The following CD47 variants were observed in gnomAD, a reference collection of about 807,000 sequenced individuals.
CD47 encodes leukocyte surface antigen CD47.
Under a neutral mutation model 44.6 loss-of-function variants are expected in CD47, and 11 were observed. The ratio of observed to expected loss-of-function variants is 0.25; its 90% CI spans 0.16 to 0.41. The LOEUF (loss-of-function observed/expected upper bound fraction) is 0.41, where lower values mean the gene tolerates loss of function less well. CD47 is among the 10% of genes least tolerant of loss of function. The probability of loss-of-function intolerance (pLI) is 1.00; values close to 1 mark genes in which losing one functional copy is unlikely to be tolerated. For synonymous variants in CD47, 140 were observed against 136.3 expected, an observed-to-expected ratio of 1.03 and a Z score of -0.19; for missense variants, 306 against 386.7, an observed-to-expected ratio of 0.79 and a Z score of 1.75.
At chr3:108,059,970 G>C (rs953184548) in intron 4 of CD47, among the ~76,000 whole-genome samples, 1 of 152,082 alleles carries the variant, frequency 6.6e-6, no homozygotes, top group Admixed American at 6.6e-5. Context: ...TATTACACCT[G>C]CACTGCATTC....
chr3:108,051,087 C>A (rs78109567), intron 8 of CD47, among the ~76,000 whole-genome samples: 5,833 of 152,254 alleles, frequency 0.038, 132 homozygotes, highest in African/African-American at 0.066. Flanking sequence ...CTAGAATATA[C>A]CCCTGTGGTA....
At chr3:108,052,469 T>A (rs2078845266) in intron 7 of CD47, 1 of 156,008 alleles carries the variant, frequency 6.4e-6, no homozygotes, top group African/African-American at 2.4e-5. Context: ...GCTAACAAAC[T>A]AAAGAAAATA....
chr3:108,073,970 CAG>C (rs1313270199), intron 2 of CD47, among the ~76,000 whole-genome samples: 1 of 152,190 alleles, frequency 6.6e-6, no homozygotes, highest in Non-Finnish European at 1.5e-5. Flanking sequence ...GCTAAAAGAA[CAG>C]AGATTTTCAT....
In CD47 at chr3:108,058,871, G is replaced by A. The variant is rs114721557; in HGVS notation, c.692-442C>T. 3.4e-3 allele frequency among the ~76,000 whole-genome samples: 524 copies of A among 152,254 alleles called. 1 individual carries two copies. The highest frequency in any genetic ancestry group is 0.012 in the African/African-American group (501 of 41,554). On this transcript the variant is annotated intron_variant, in intron 5 of 10. Transcript: ENST00000361309. ...CTAATACCTTTCCAATGTACAACGA[G>A]CCAGAGATAGGCTCTAAGACCAAGT...
chr3:108,060,257 A>G (rs760735879), intron 4 of CD47, among the ~76,000 whole-genome samples: 1 of 152,240 alleles, frequency 6.6e-6, no homozygotes, highest in Non-Finnish European at 1.5e-5. Flanking sequence ...AAGAGTGAAT[A>G]CTGCATTATA....
intron 6 of CD47, 114 bp downstream of exon 6, chr3:108,058,223 T>TAA (rs897282232): frequency 9.5e-5 from 46 of 483,496 alleles, no homozygotes; most frequent in Middle Eastern, 4.1e-4. Context: ...AAAACTGCAC[T>TAA]AAAAAAAAAA....
chr3:108,079,567 T>TAAAAAAAAA (rs71629342), intron 2 of CD47, among the ~76,000 whole-genome samples: 51 of 53,094 alleles, frequency 9.6e-4, no homozygotes, highest in East Asian at 2.0e-3. Flanking sequence ...AGTGTAAGGT[T>TAAAAAAAAA]AAAAAAAAAA....
In CD47 at chr3:108,060,797, A is replaced by G. The variant is rs2078998045; in HGVS notation, c.546T>C (p.Ala182=). The G allele has an allele frequency of 6.2e-7, 1 of 1,613,750 alleles. No individual in the cohort carries two copies. Among genetic ancestry groups the G allele is most frequent in the African/African-American group, 1.3e-5 (1 of 74,918 alleles). Residue 182 remains alanine (A), a synonymous_variant, in exon 4 of 11, where the codon GCT becomes GCC. Transcript: ENST00000361309. ...MDEKTIALLV[A]GLVITVIVIV... ...TGACAATGACAGTGATCACTAGTCC[A>G]GCAACAAGTAAAGCAATTGTTTTCT...
At chr3:108,083,451 T>C (rs2079455350) in intron 1 of CD47, among the ~76,000 whole-genome samples, 1 of 152,028 alleles carries the variant, frequency 6.6e-6, no homozygotes, top group Non-Finnish European at 1.5e-5. Flanking sequence ...TGATGAAATA[T>C]TGTGATAGGA....
At chr3:108,064,298 G>T (rs1268648903) in intron 3 of CD47, among the ~76,000 whole-genome samples, 2 of 152,090 alleles carry the variant, frequency 1.3e-5, no homozygotes, top group African/African-American at 4.8e-5. Flanking sequence ...TGATGAGTAT[G>T]TTACTCCCAA....
chr3:108,089,789 C>T (rs192947692), intron 1 of CD47, among the ~76,000 whole-genome samples: 1 of 152,062 alleles, frequency 6.6e-6, no homozygotes, highest in African/African-American at 2.4e-5. Context: ...AGTTTAAAAT[C>T]GAATTAATTT....
intron 4 of CD47, among the ~76,000 whole-genome samples, 153 bp downstream of exon 4, chr3:108,060,592 T>C (rs1173346518): frequency 2.0e-5 from 3 of 152,344 alleles, no homozygotes; most frequent in East Asian, 1.9e-4. Context: ...TTCAGACTTA[T>C]GGCCTCCAGC....
intron 1 of CD47, among the ~76,000 whole-genome samples, chr3:108,089,758 G>A (rs892887210): frequency 7.9e-5 from 12 of 152,024 alleles, no homozygotes; most frequent in South Asian, 4.2e-4. Flanking sequence ...CTTTAGGAAC[G>A]GCACACCGAG....
chr3:108,083,263 C>T (rs2079451521), intron 1 of CD47, among the ~76,000 whole-genome samples: 1 of 151,924 alleles, frequency 6.6e-6, no homozygotes, highest in Admixed American at 6.6e-5. Context: ...AGACTTGAAA[C>T]CTTCATTGGA....
At chr3:108,080,497 T>C (rs150750199) in intron 1 of CD47, among the ~76,000 whole-genome samples, 153 bp from the exon 2 acceptor site, 107 of 152,048 alleles carry the variant, frequency 7.0e-4, no homozygotes, top group Middle Eastern at 3.4e-3. Flanking sequence ...AGGTGAAATA[T>C]GCAAACAAAT....
At chr3:108,073,320 G>A (rs1035914156) in intron 2 of CD47, among the ~76,000 whole-genome samples, 4 of 151,896 alleles carry the variant, frequency 2.6e-5, no homozygotes, top group Admixed American at 6.6e-5. Flanking sequence ...AGGTGCATTC[G>A]ATCCTGGTGT....
At chr3:108,058,806 ACAT>A in intron 5 of CD47, among the ~76,000 whole-genome samples, 1 of 152,318 alleles carries the variant, frequency 6.6e-6, no homozygotes, top group Middle Eastern at 3.4e-3. Flanking sequence ...CTGACTGTAA[ACAT>A]CATGCTCTCT....
At chr3:108,056,777 T>C (rs2078919692) in intron 7 of CD47, among the ~76,000 whole-genome samples, 1 of 152,160 alleles carries the variant, frequency 6.6e-6, no homozygotes. Flanking sequence ...AAAATAAGAA[T>C]TTATGCAGAA....
chr3:108,078,343 A>T (rs967947724), intron 2 of CD47, among the ~76,000 whole-genome samples: 1 of 152,002 alleles, frequency 6.6e-6, no homozygotes, highest in Non-Finnish European at 1.5e-5. Flanking sequence ...CAAAATAATA[A>T]ACTGTTTTTA....
Sources: gnomAD v4.1 joint callset for allele counts (sites outside exome capture counted in the v4.1 genomes callset) on GRCh38, gnomAD v4.1.1 for gene constraint, MANE v1.5 for transcripts, NCBI Gene and HGNC (gene_info 2026-07-23, HGNC 2026-07-21) for gene names.